The following CSGALNACT1 variants were observed in gnomAD, a reference collection of about 807,000 sequenced individuals.
CSGALNACT1 encodes the protein beta4GalNAcT-1.
Under a neutral mutation model 51.0 loss-of-function variants are expected in CSGALNACT1, and 52 were observed. That is an observed-to-expected ratio of 1.02 (90% CI 0.82 to 1.29). The LOEUF (loss-of-function observed/expected upper bound fraction) is 1.29. CSGALNACT1 is among the 50% of genes most tolerant of loss of function. CSGALNACT1 has a pLI of 0.00. For missense variants in CSGALNACT1, 935 were observed against 679.2 expected, an observed-to-expected ratio of 1.38 and a Z score of -4.19; for synonymous variants, 341 against 254.4, an observed-to-expected ratio of 1.34 and a Z score of -3.24.
intron 1 of CSGALNACT1, among the ~76,000 whole-genome samples, chr8:19,674,716 G>A (rs951425293): frequency 2.6e-5 from 4 of 152,200 alleles, no homozygotes; most frequent in African/African-American, 9.6e-5. Context: ...GTGAAGAATA[G>A]ACTGAAGGGA....
intron 1 of CSGALNACT1, among the ~76,000 whole-genome samples, chr8:19,668,718 C>T (rs967844539): frequency 1.3e-5 from 2 of 152,100 alleles, no homozygotes. Flanking sequence ...CCATGCCTGG[C>T]TGATTTTTGG....
At chr8:19,578,168 T>A (rs538165535) in intron 3 of CSGALNACT1, among the ~76,000 whole-genome samples, 2 of 152,208 alleles carry the variant, frequency 1.3e-5, no homozygotes, top group African/African-American at 4.8e-5. Flanking sequence ...AATGATGCCA[T>A]CATCAAATTC....
chr8:19,452,450 G>C (rs767279640), intron 5 of CSGALNACT1, among the ~76,000 whole-genome samples: 2 of 149,430 alleles, frequency 1.3e-5, no homozygotes, highest in Non-Finnish European at 3.0e-5. Context: ...GGGGAGATTT[G>C]ACATAAGCAA....
intron 2 of CSGALNACT1, among the ~76,000 whole-genome samples, chr8:19,597,685 A>C (rs73214639): frequency 0.017 from 2,590 of 152,324 alleles, 43 homozygotes; most frequent in Non-Finnish European, 0.028. Context: ...GCAGCAGAGA[A>C]AATACAGATG....
chr8:19,535,259 G>A lies in CSGALNACT1; in HGVS notation c.-296-29129C>T, dbSNP rs530469303. On this transcript the variant is annotated intron_variant, in intron 3 of 9. Transcript: ENST00000454498. ...TAATTTTATGAAATCTGGCTCTCTA[G>A]AAGCCTGAAAATTTCAGCGTGTTCT... 3.7e-4 allele frequency among the ~76,000 whole-genome samples: 56 copies of A among 151,948 alleles called. No individual in the cohort carries two copies. The South Asian group carries it at 0.012, about 32-fold the overall frequency.
At chr8:19,751,825 T>C (rs2065047009) in intron 1 of CSGALNACT1, among the ~76,000 whole-genome samples, 1 of 152,120 alleles carries the variant, frequency 6.6e-6, no homozygotes, top group South Asian at 2.1e-4. Context: ...TCCTTCACTT[T>C]CTGCCATGAT....
upstream of CSGALNACT1, among the ~76,000 whole-genome samples, chr8:19,603,321 G>A (rs2050846267): frequency 6.6e-6 from 1 of 152,076 alleles, no homozygotes; most frequent in African/African-American, 2.4e-5. Context: ...CACTATAGAG[G>A]TTTAGAGTCT....
At chr8:19,585,778 C>T (rs2046493174) in intron 3 of CSGALNACT1, among the ~76,000 whole-genome samples, 1 of 152,186 alleles carries the variant, frequency 6.6e-6, no homozygotes, top group Admixed American at 6.5e-5. Flanking sequence ...ATTCAACCTC[C>T]ATGTTACCAA....
At chr8:19,432,699 G>C (rs1025290359) in intron 6 of CSGALNACT1, among the ~76,000 whole-genome samples, 1 of 151,940 alleles carries the variant, frequency 6.6e-6, no homozygotes, top group African/African-American at 2.4e-5. Context: ...CTTCAAACCT[G>C]CTGTTAAGCC....
intron 1 of CSGALNACT1, among the ~76,000 whole-genome samples, chr8:19,633,065 C>A (rs2055518380): frequency 6.6e-6 from 1 of 151,914 alleles, no homozygotes; most frequent in Admixed American, 6.6e-5. Flanking sequence ...TGCTGAGCCA[C>A]CGTGCCCAGC....
At chr8:19,549,854 G>T (rs576739928) in intron 3 of CSGALNACT1, among the ~76,000 whole-genome samples, 3 of 152,092 alleles carry the variant, frequency 2.0e-5, no homozygotes, top group Admixed American at 6.5e-5. Flanking sequence ...GATTTGGAAA[G>T]TACAGCTGTA....
chr8:19,717,068 G>A (rs960704793), intron 1 of CSGALNACT1, among the ~76,000 whole-genome samples: 1 of 152,226 alleles, frequency 6.6e-6, no homozygotes, highest in African/African-American at 2.4e-5. Flanking sequence ...GGATTGCTGT[G>A]AAAACTAAAT....
chr8:19,485,934 T>A (rs1229988122), intron 4 of CSGALNACT1, among the ~76,000 whole-genome samples: 6 of 151,676 alleles, frequency 4.0e-5, no homozygotes, highest in Non-Finnish European at 5.9e-5. Context: ...ATCTGGCTAA[T>A]TTTGTATTTT....
chr8:19,719,459 G>A (rs1456663017), intron 1 of CSGALNACT1, among the ~76,000 whole-genome samples: 1 of 152,126 alleles, frequency 6.6e-6, no homozygotes, highest in African/African-American at 2.4e-5. Flanking sequence ...AAACTCAGGA[G>A]GCCTCAGAAC....
At chr8:19,708,626 A>G (rs2062321548) in intron 1 of CSGALNACT1, among the ~76,000 whole-genome samples, 1 of 152,154 alleles carries the variant, frequency 6.6e-6, no homozygotes, top group Non-Finnish European at 1.5e-5. Flanking sequence ...CTCAGCAAAT[A>G]TGAGCTGAGG....
intron 1 of CSGALNACT1, among the ~76,000 whole-genome samples, chr8:19,676,083 T>TAAAAAAAAAAAAAAAAAAAAAAA (rs1564404826): frequency 3.4e-5 from 2 of 59,098 alleles, no homozygotes; most frequent in Admixed American, 1.7e-4. Context: ...GTTGTCTGAT[T>TAAAAAAAAAAAAAAAAAAAAAAA]TAAAAAACAA....
chr8:19,468,229 C>T (rs1381586041), intron 4 of CSGALNACT1, among the ~76,000 whole-genome samples: 4 of 152,078 alleles, frequency 2.6e-5, no homozygotes, highest in African/African-American at 9.7e-5. Context: ...ACAACAACAT[C>T]AGAGCGAGCA....
chr8:19,618,490 A>T (rs1178944404), intron 1 of CSGALNACT1, among the ~76,000 whole-genome samples: 1 of 151,942 alleles, frequency 6.6e-6, no homozygotes, highest in Non-Finnish European at 1.5e-5. Flanking sequence ...AAATATAAAA[A>T]TTAGCCAGGC....
intron 8 of CSGALNACT1, among the ~76,000 whole-genome samples, chr8:19,411,693 A>G (rs2055774541): frequency 6.6e-6 from 1 of 152,190 alleles, no homozygotes; most frequent in Non-Finnish European, 1.5e-5. Context: ...CATTCTGTTC[A>G]AGCACTGACA....
Sources: allele counts gnomAD v4.1 joint callset (sites outside exome capture counted in the v4.1 genomes callset), GRCh38; gene constraint gnomAD v4.1.1; transcripts MANE v1.5; gene names NCBI Gene and HGNC (gene_info 2026-07-23, HGNC 2026-07-21).